ASTN2: variants seen among roughly 807,000 people sequenced by gnomAD.
ASTN2 encodes astrotactin-2.
In ASTN2, 54 loss-of-function variants were observed where a neutral mutation model predicts 139.8. The ratio of observed to expected loss-of-function variants is 0.39; its 90% CI spans 0.31 to 0.48. The LOEUF (loss-of-function observed/expected upper bound fraction) is 0.48. Among genes scored for constraint, ASTN2 ranks in the 20% least tolerant of loss-of-function variants. ASTN2 has a pLI of 0.95. For missense variants in ASTN2, 1,565 were observed against 1,725.1 expected, an observed-to-expected ratio of 0.91 and a Z score of 1.64; for synonymous variants, 756 against 719.5, an observed-to-expected ratio of 1.05 and a Z score of -0.81.
chr9:116,507,154 A>G (rs1353006439), intron 19 of ASTN2, among the ~76,000 whole-genome samples: 3 of 152,164 alleles, frequency 2.0e-5, no homozygotes, highest in African/African-American at 7.2e-5. Context: ...GAAGAAATGG[A>G]GACGCAACAT....
intron 19 of ASTN2, among the ~76,000 whole-genome samples, chr9:116,506,607 A>G (rs936588161): frequency 6.6e-6 from 1 of 152,174 alleles, no homozygotes; most frequent in African/African-American, 2.4e-5. Context: ...CTAGCAGCCA[A>G]AAGGAGGAAG....
intron 6 of ASTN2, among the ~76,000 whole-genome samples, chr9:117,024,230 C>T (rs1353901864): frequency 3.3e-5 from 5 of 152,134 alleles, no homozygotes; most frequent in Non-Finnish European, 7.4e-5. Flanking sequence ...TACCCAACTC[C>T]TCATGTAGCT....
intron 11 of ASTN2, among the ~76,000 whole-genome samples, chr9:116,851,536 G>C (rs968165123): frequency 1.3e-5 from 2 of 148,410 alleles, no homozygotes; most frequent in African/African-American, 5.0e-5. Context: ...CTATCTTATA[G>C]TAAATCTACT....
intron 13 of ASTN2, among the ~76,000 whole-genome samples, chr9:116,781,955 C>T (rs1428457357): frequency 3.9e-5 from 6 of 152,168 alleles, no homozygotes; most frequent in African/African-American, 1.4e-4. Flanking sequence ...CAAATTTACA[C>T]AGCTAGTTAG....
chr9:116,518,568 A>G (rs1299897147), intron 19 of ASTN2, among the ~76,000 whole-genome samples: 3 of 152,186 alleles, frequency 2.0e-5, no homozygotes, highest in Non-Finnish European at 4.4e-5. Flanking sequence ...TAAAGCATAA[A>G]TCTCACAGGA....
At chr9:117,224,118 C>T (rs901180038) in intron 2 of ASTN2, among the ~76,000 whole-genome samples, 7 of 152,178 alleles carry the variant, frequency 4.6e-5, no homozygotes, top group African/African-American at 1.7e-4. Context: ...CTAAGGAATG[C>T]TTGGAGACAC....
At chr9:117,003,308 C>A (rs908921810) in intron 7 of ASTN2, among the ~76,000 whole-genome samples, 2 of 152,156 alleles carry the variant, frequency 1.3e-5, no homozygotes, top group East Asian at 3.9e-4. Flanking sequence ...CAGCTCCCAG[C>A]TTGTTAGAAA....
At chr9:117,393,000 C>T (rs1830580757) in intron 1 of ASTN2, among the ~76,000 whole-genome samples, 1 of 152,300 alleles carries the variant, frequency 6.6e-6, no homozygotes, top group Non-Finnish European at 1.5e-5. Flanking sequence ...TCTAAGTTCA[C>T]TCAGGACATT....
chr9:117,395,058 C>G (rs554831786), intron 1 of ASTN2, among the ~76,000 whole-genome samples: 1 of 152,158 alleles, frequency 6.6e-6, no homozygotes, highest in African/African-American at 2.4e-5. Context: ...TGTATGGGAC[C>G]CTTATTTCTC....
intron 18 of ASTN2, among the ~76,000 whole-genome samples, chr9:116,619,747 G>C (rs1029867728): frequency 1.4e-5 from 2 of 141,052 alleles, no homozygotes; most frequent in Admixed American, 1.5e-4. Flanking sequence ...GCCCAAGCTG[G>C]TCTCAATTCC....
rs187593962 is a variant in ASTN2, at chr9:116,799,749, C to A, written c.2396+5883G>T. Among the ~76,000 whole-genome samples the A allele has an allele frequency of 1.3e-3, 197 of 150,032 alleles. 3 individuals carry two copies. Among genetic ancestry groups the A allele is most frequent in the Admixed American group, 0.011 (167 of 15,138 alleles). The stretch of plus-strand genomic sequence containing the variant: ...AAAACAAACAAATAAACATCAAATA[C>A]CACCAATCTTTGGTGAGTTTATCTC... On this transcript the variant is annotated intron_variant, in intron 13 of 22. Coordinates refer to ENST00000313400, the MANE Select transcript of ASTN2 (RefSeq NM_001365068.1).
chr9:116,598,845 G>C (rs1854720713), intron 19 of ASTN2, among the ~76,000 whole-genome samples: 1 of 152,194 alleles, frequency 6.6e-6, no homozygotes, highest in South Asian at 2.1e-4. Flanking sequence ...TACCTTCACA[G>C]AGCTAGGAGT....
At position 117,081,754 on chromosome 9, in the gene ASTN2, C is replaced by T. The variant is rs572852859; in HGVS notation, c.1276+14290G>A. Among the ~76,000 whole-genome samples, 9 of 152,226 alleles carry T rather than the reference C, an allele frequency of 5.9e-5. No individual in the cohort carries two copies. The South Asian group carries it at 1.7e-3, about 28-fold the overall frequency. On this transcript the variant is annotated intron_variant, in intron 5 of 22. Coordinates refer to ENST00000313400, the MANE Select transcript of ASTN2 (RefSeq NM_001365068.1). ...GGCCTTGAATAAACATGTTGTGAAC[C>T]GCCTACAGGGGAGACATGTGGCAAG...
intron 4 of ASTN2, among the ~76,000 whole-genome samples, chr9:117,130,884 T>C (rs1829812073): frequency 6.6e-6 from 1 of 152,182 alleles, no homozygotes; most frequent in Non-Finnish European, 1.5e-5. Context: ...CCCCTTCCCC[T>C]TCTCCCTGAG....
chr9:116,950,527 T>C (rs980804748), intron 10 of ASTN2, among the ~76,000 whole-genome samples: 1 of 152,170 alleles, frequency 6.6e-6, no homozygotes, highest in Non-Finnish European at 1.5e-5. Context: ...ATAAAAGATA[T>C]GGTTGGATAT....
At chr9:117,039,597 G>GA (rs975188800) in intron 6 of ASTN2, among the ~76,000 whole-genome samples, 16 of 149,042 alleles carry the variant, frequency 1.1e-4, no homozygotes, top group South Asian at 4.3e-4. Context: ...AGAGTAAAAG[G>GA]AAAAAAAAAT....
At chr9:116,623,459 A>G (rs7031478) in intron 17 of ASTN2, among the ~76,000 whole-genome samples, 3 of 151,794 alleles carry the variant, frequency 2.0e-5, no homozygotes, top group Non-Finnish European at 4.4e-5. Flanking sequence ...ATAAGGCTGC[A>G]GAAGCCAGCA....
intron 3 of ASTN2, among the ~76,000 whole-genome samples, chr9:117,210,822 T>C (rs1832096562): frequency 6.6e-6 from 1 of 151,942 alleles, no homozygotes; most frequent in African/African-American, 2.4e-5. Context: ...ACTAAAAAAC[T>C]GAATCCAACA....
intron 16 of ASTN2, among the ~76,000 whole-genome samples, chr9:116,663,827 AC>A (rs1401564451): frequency 1.3e-5 from 2 of 152,138 alleles, no homozygotes; most frequent in Non-Finnish European, 2.9e-5. Flanking sequence ...GGTAGGTTTC[AC>A]TATTGCTTTT....
Sources: gnomAD v4.1 joint callset for allele counts (sites outside exome capture counted in the v4.1 genomes callset) on GRCh38, gnomAD v4.1.1 for gene constraint, MANE v1.5 for transcripts, NCBI Gene and HGNC (gene_info 2026-07-23, HGNC 2026-07-21) for gene names.